STXBP5L: variants seen among roughly 807,000 people sequenced by gnomAD.
STXBP5L encodes syntaxin binding protein 5L, also known as syntaxin-binding protein 5-like.
STXBP5L carries 65 observed loss-of-function variants against 144.5 expected under a neutral mutation model. The ratio of observed to expected loss-of-function variants is 0.45; its 90% CI spans 0.37 to 0.55. STXBP5L has a LOEUF of 0.55. Among genes scored for constraint, STXBP5L ranks in the 20% least tolerant of loss-of-function variants. The pLI is 0.00. For missense variants in STXBP5L, 1,298 were observed against 1,405.5 expected (o/e 0.92, Z 1.22); for synonymous variants, 505 against 469.6 (o/e 1.08, Z -0.97).
At chr3:121,190,863 G>A (rs2047641605) in intron 9 of STXBP5L, among the ~76,000 whole-genome samples, 1 of 151,676 alleles carries the variant, frequency 6.6e-6, no homozygotes, top group South Asian at 2.1e-4. Flanking sequence ...TCCCAGACGG[G>A]GTGGCGGCGG....
At chr3:121,290,587 A>G (rs1056685237) in intron 19 of STXBP5L, among the ~76,000 whole-genome samples, 2 of 152,026 alleles carry the variant, frequency 1.3e-5, no homozygotes, top group African/African-American at 4.8e-5. Context: ...TATCAAAACC[A>G]AGAAGGGACA....
chr3:121,240,381 T>C, intron 13 of STXBP5L, 59 bp from the exon 14 acceptor site: 2 of 1,481,098 alleles, frequency 1.4e-6, no homozygotes, highest in Non-Finnish European at 1.9e-6. Flanking sequence ...GCTATTTTCA[T>C]TTTAAATTTC....
chr3:121,173,687 G>A (rs1025621740), intron 9 of STXBP5L, among the ~76,000 whole-genome samples: 5 of 152,060 alleles, frequency 3.3e-5, no homozygotes, highest in African/African-American at 1.2e-4. Flanking sequence ...AAAATCATAA[G>A]GAAGAGAAAA....
chr3:121,366,499 TC>T (rs1281020615), intron 20 of STXBP5L, among the ~76,000 whole-genome samples: 1 of 152,048 alleles, frequency 6.6e-6, no homozygotes, highest in African/African-American at 2.4e-5. Context: ...ATAATGTCCT[TC>T]TTAGTCTCTT....
At chr3:120,920,690 T>C (rs1021832337) in intron 2 of STXBP5L, among the ~76,000 whole-genome samples, 1 of 151,764 alleles carries the variant, frequency 6.6e-6, no homozygotes, top group Non-Finnish European at 1.5e-5. Flanking sequence ...ATATACTCTC[T>C]GTCTTCATGA....
chr3:120,974,512 AT>A (rs1940698826), intron 3 of STXBP5L, among the ~76,000 whole-genome samples: 1 of 150,958 alleles, frequency 6.6e-6, no homozygotes, highest in African/African-American at 2.4e-5. Context: ...CTCTGATGGT[AT>A]TTTCTTTTGC....
At chr3:121,091,626 GT>G (rs1328788085) in intron 5 of STXBP5L, among the ~76,000 whole-genome samples, 2 of 152,002 alleles carry the variant, frequency 1.3e-5, no homozygotes, top group Non-Finnish European at 1.5e-5. Flanking sequence ...TGATGGGGTT[GT>G]TTTTTTCTTG....
intron 19 of STXBP5L, among the ~76,000 whole-genome samples, chr3:121,317,693 A>G (rs999857927): frequency 2.0e-5 from 3 of 152,182 alleles, no homozygotes; most frequent in Admixed American, 1.3e-4. Flanking sequence ...TACCATATAA[A>G]TACAGATTGG....
intron 20 of STXBP5L, among the ~76,000 whole-genome samples, chr3:121,332,774 C>T (rs1373897983): frequency 6.6e-6 from 1 of 151,922 alleles, no homozygotes; most frequent in Non-Finnish European, 1.5e-5. Context: ...CAAAGAACTC[C>T]TGGGAGATCC....
chr3:121,172,278 A>G (rs1467965354), intron 9 of STXBP5L, among the ~76,000 whole-genome samples: 1 of 152,232 alleles, frequency 6.6e-6, no homozygotes, highest in Non-Finnish European at 1.5e-5. Context: ...AGGCATGGGC[A>G]AAACTTCACG....
In STXBP5L at chr3:121,085,696, A is replaced by G. The variant is rs1478223164; in HGVS notation, c.471-29229A>G. 2.0e-5 allele frequency among the ~76,000 whole-genome samples: 3 copies of G among 152,226 alleles called. No homozygotes were observed. The East Asian group carries it at 5.8e-4, about 29-fold the overall frequency. ...AGAGGACACAAACAAATGTAAAAAC[A>G]TTCCATGCTTGTGGATAGGAAGGAT... is the stretch of plus-strand genomic sequence containing the variant. On this transcript the variant is annotated intron_variant, in intron 5 of 26. Transcript: ENST00000471454.
rs576088850 is a variant in STXBP5L at position 121,322,362 on chromosome 3, C to CA, written c.2176+3823dup. 2.8e-3 allele frequency among the ~76,000 whole-genome samples: 430 copies of CA among 151,706 alleles called. 1 individual carries two copies. The highest frequency in any genetic ancestry group is 4.5e-3 in the Non-Finnish European group (309 of 67,972). Reference sequence around the variant, plus strand: ...GTGTGGTGGTGCATGCCTGCAATCCCAGCTACTAGGGAGGCTGAGGCAGGA... The same window carrying CA: ...GTGTGGTGGTGCATGCCTGCAATCCCAAGCTACTAGGGAGGCTGAGGCAGGA... On this transcript the variant is annotated intron_variant, in intron 20 of 26. Coordinates refer to ENST00000471454, the MANE Select transcript of STXBP5L (RefSeq NM_001308330.2).
At chr3:121,155,466 T>G (rs2107997134) in intron 8 of STXBP5L, among the ~76,000 whole-genome samples, 1 of 152,040 alleles carries the variant, frequency 6.6e-6, no homozygotes, top group Non-Finnish European at 1.5e-5. Flanking sequence ...TCCAGTTTTT[T>G]GGATTTCCTT....
At chr3:121,339,487 C>T (rs771095977) in intron 20 of STXBP5L, among the ~76,000 whole-genome samples, 1 of 152,028 alleles carries the variant, frequency 6.6e-6, no homozygotes, top group East Asian at 1.9e-4. Flanking sequence ...AAAGCATTCC[C>T]CCTAAGAACT....
At chr3:121,024,512 C>G (rs532422880) in intron 3 of STXBP5L, among the ~76,000 whole-genome samples, 8 of 152,304 alleles carry the variant, frequency 5.3e-5, no homozygotes, top group Non-Finnish European at 1.0e-4. Context: ...CGGATACATT[C>G]AGCTCTGGAA....
At chr3:121,372,681 C>T (rs1293080278) in intron 20 of STXBP5L, among the ~76,000 whole-genome samples, 1 of 152,022 alleles carries the variant, frequency 6.6e-6, no homozygotes, top group Non-Finnish European at 1.5e-5. Flanking sequence ...CCTCCATCTG[C>T]TCTCAATGCC....
At chr3:120,934,045 C>G (rs981514716) in intron 2 of STXBP5L, among the ~76,000 whole-genome samples, 1 of 150,562 alleles carries the variant, frequency 6.6e-6, no homozygotes. Context: ...CGTATTCTCT[C>G]TGCCTAGGTT....
chr3:120,947,255 T>G (rs1230452408), intron 2 of STXBP5L, among the ~76,000 whole-genome samples: 1 of 151,830 alleles, frequency 6.6e-6, no homozygotes, highest in Non-Finnish European at 1.5e-5. Context: ...ACTGAGAATT[T>G]TTTAAGCTTA....
intron 19 of STXBP5L, among the ~76,000 whole-genome samples, chr3:121,297,645 T>G (rs1158591968): frequency 3.9e-5 from 6 of 152,058 alleles, no homozygotes. Flanking sequence ...TCTCAGCTAC[T>G]TGGGAGGCTG....
Sources: allele counts gnomAD v4.1 joint callset (sites outside exome capture counted in the v4.1 genomes callset), GRCh38; gene constraint gnomAD v4.1.1; transcripts MANE v1.5; gene names NCBI Gene and HGNC (gene_info 2026-07-23, HGNC 2026-07-21).